EPB41L3: variants seen among roughly 807,000 people sequenced by gnomAD.
The protein encoded by EPB41L3 is erythrocyte membrane protein band 4.1 like 3.
Under a neutral mutation model 127.1 loss-of-function variants are expected in EPB41L3, and 57 were observed. The observed-to-expected ratio is 0.45, with a 90% CI of 0.36 to 0.56. EPB41L3 has a LOEUF of 0.56. EPB41L3 is among the 20% of genes least tolerant of loss of function. The pLI is 0.00. For synonymous variants in EPB41L3, 572 were observed against 549.5 expected (o/e 1.04, Z -0.57); for missense variants, 1,273 against 1,372.2 (o/e 0.93, Z 1.14).
In EPB41L3 at chr18:5,618,039, A is replaced by G. The variant is rs1848041760; in HGVS notation, c.-467-3616T>C. Among the ~76,000 whole-genome samples, 3 of 152,350 alleles carry G rather than the reference A, an allele frequency of 2.0e-5. No individual in the cohort carries two copies. In the South Asian group the frequency reaches 6.2e-4, roughly 32 times the overall value. On this transcript the variant is annotated intron_variant, in intron 1 of 21. Transcript: ENST00000545076. ...CAAAATCTGTTCATAACATAGGTTT[A>G]ATATAGTTGTCTGGACTAGCCTGGA...
rs2087463139 is a variant in EPB41L3 at position 5,477,422 on chromosome 18, GA to G, written c.381+818del. Among the ~76,000 whole-genome samples, 5 of 152,184 alleles carry G rather than the reference GA, an allele frequency of 3.3e-5. No homozygotes were observed. In the South Asian group the frequency reaches 1.0e-3, roughly 32 times the overall value. On this transcript the variant is annotated intron_variant, in intron 3 of 22. Coordinates refer to ENST00000341928, the MANE Select transcript of EPB41L3 (RefSeq NM_012307.5). ...GTGTGTGATACCCTGCCCTCTTTAT[GA>G]CAAGGGCAGGAGCTGGAGGCAGGAA...
rs142537654 is a variant in EPB41L3 at position 5,490,576 on chromosome 18, A to C, written c.-11-1382T>G. ...AGACATATCAATTTGGCATGTGCTT[A>C]GTTGCCCAAAGCATATATAAATATC... On this transcript the variant is annotated intron_variant, in intron 1 of 22. Transcript: ENST00000341928. 8.5e-5 allele frequency among the ~76,000 whole-genome samples: 13 copies of C among 152,372 alleles called. No homozygotes were observed. In the East Asian group the frequency reaches 2.5e-3, roughly 29 times the overall value.
intron 12 of EPB41L3, among the ~76,000 whole-genome samples, chr18:5,417,846 T>A (rs2077012963): frequency 1.3e-5 from 2 of 152,066 alleles, no homozygotes; most frequent in Admixed American, 6.5e-5. Flanking sequence ...CAACTAAGAA[T>A]AATGTAGCTG....
chr18:5,396,152 G>A (rs1567961646), intron 19 of EPB41L3, 49 bp downstream of exon 19: 1 of 1,610,102 alleles, frequency 6.2e-7, no homozygotes, highest in Non-Finnish European at 8.5e-7. Flanking sequence ...CTAGGCCATA[G>A]AGGGGTGAAA....
intron 13 of EPB41L3, among the ~76,000 whole-genome samples, chr18:5,414,276 A>C (rs1288070370): frequency 6.6e-6 from 1 of 152,220 alleles, no homozygotes; most frequent in Non-Finnish European, 1.5e-5. Flanking sequence ...GTAGTTCTCA[A>C]AATATTTTCC....
rs1276479737 is a variant in EPB41L3, at chr18:5,397,723, A to C, written c.2473-297T>G. ...AAAACCAAAGCATTGCAGCGCATTC[A>C]CGTTGGTTTTGGCTGCTTTCTTAGA... is the stretch of plus-strand genomic sequence containing the variant. On this transcript the variant is annotated intron_variant, in intron 17 of 22. Coordinates refer to ENST00000341928, the MANE Select transcript of EPB41L3 (RefSeq NM_012307.5). This position sits in a 1 kb window ranked among gnomAD's most constrained non-coding sequence, Gnocchi z 4.1. Among the ~76,000 whole-genome samples the C allele has an allele frequency of 6.6e-6, 1 of 152,222 alleles. No homozygotes were observed. Among genetic ancestry groups the C allele is most frequent in the Non-Finnish European group, 1.5e-5 (1 of 68,040 alleles).
At chr18:5,485,398 T>G (rs2089562940) in intron 2 of EPB41L3, among the ~76,000 whole-genome samples, 1 of 152,026 alleles carries the variant, frequency 6.6e-6, no homozygotes, top group Admixed American at 6.6e-5. Flanking sequence ...TTGTATTGAA[T>G]TGTGAAAAAC....
intron 3 of EPB41L3, among the ~76,000 whole-genome samples, chr18:5,468,061 C>A (rs1319114675): frequency 1.3e-5 from 2 of 152,186 alleles, no homozygotes; most frequent in Admixed American, 1.3e-4. Context: ...TGTGGCTGAG[C>A]CTGGGCTGTC....
At chr18:5,561,919 A>G (rs72868452) in intron 3 of EPB41L3, among the ~76,000 whole-genome samples, 1,909 of 152,326 alleles carry the variant, frequency 0.013, 17 homozygotes, top group Non-Finnish European at 0.019. Flanking sequence ...ATGGGGAAAC[A>G]TGAGACAAAT....
chr18:5,400,665 T>G (rs1363187553), intron 16 of EPB41L3: 5 of 490,598 alleles, frequency 1.0e-5, no homozygotes, highest in African/African-American at 9.7e-5. Context: ...AGCACGACTC[T>G]ACAGGTAAAA....
At chr18:5,630,468 G>C (rs1025211032), upstream of EPB41L3, 2 of 518,830 alleles carry the variant, frequency 3.9e-6, no homozygotes, top group African/African-American at 3.8e-5. Flanking sequence ...AGTAGCGCAA[G>C]GGCAGAGAGA....
chr18:5,540,331 AAAC>A, intron 1 of EPB41L3: 1 of 985,134 alleles, frequency 1.0e-6, no homozygotes, highest in Non-Finnish European at 1.2e-6. Flanking sequence ...TCAATTCTCC[AAAC>A]AATACCTCGC....
intron 3 of EPB41L3, among the ~76,000 whole-genome samples, chr18:5,573,664 C>A (rs534725389): frequency 1.8e-4 from 28 of 152,156 alleles, no homozygotes; most frequent in Non-Finnish European, 2.8e-4. Flanking sequence ...CAGCAGACAC[C>A]ATTTCCTATG....
chr18:5,420,283 C>A, intron 11 of EPB41L3: 1 of 253,478 alleles, frequency 3.9e-6, no homozygotes, highest in South Asian at 5.0e-5. Context: ...CTCGTAGTGG[C>A]CAATTCCACA....
chr18:5,516,340 C>T (rs2092749960), intron 1 of EPB41L3, among the ~76,000 whole-genome samples: 1 of 152,148 alleles, frequency 6.6e-6, no homozygotes, highest in Non-Finnish European at 1.5e-5. Context: ...TTCTTGTTCT[C>T]CTTACGTGCT....
intron 1 of EPB41L3, among the ~76,000 whole-genome samples, chr18:5,627,045 T>A (rs900169508): frequency 5.9e-5 from 9 of 152,158 alleles, no homozygotes; most frequent in African/African-American, 2.2e-4. Flanking sequence ...AAGGGAAAGC[T>A]ATGCAGGCTG....
intron 3 of EPB41L3, among the ~76,000 whole-genome samples, chr18:5,562,615 A>G (rs1349387249): frequency 6.6e-6 from 1 of 152,238 alleles, no homozygotes; most frequent in Non-Finnish European, 1.5e-5. Context: ...AAAGAATGTA[A>G]TAGTGCCTGG....
intron 19 of EPB41L3, among the ~76,000 whole-genome samples, chr18:5,395,935 G>A (rs796146410): frequency 8.5e-5 from 13 of 152,244 alleles, no homozygotes; most frequent in Middle Eastern, 3.4e-3. Flanking sequence ...ATGGGTGAGT[G>A]AATATTTTTC....
intron 12 of EPB41L3, 150 bp downstream of exon 12, chr18:5,419,561 A>T (rs994348622): frequency 1.4e-5 from 16 of 1,162,266 alleles, no homozygotes; most frequent in Non-Finnish European, 1.8e-5. Flanking sequence ...TGAAACAGCA[A>T]TCATAATTTA....
Sources: gnomAD v4.1 joint callset for allele counts (sites outside exome capture counted in the v4.1 genomes callset) on GRCh38, gnomAD v4.1.1 for gene constraint, Gnocchi (gnomAD v3.1) non-coding constraint, MANE v1.5 for transcripts, NCBI Gene and HGNC (gene_info 2026-07-23, HGNC 2026-07-21) for gene names.